The following KPNA3 variants were observed in gnomAD, a reference collection of about 807,000 sequenced individuals.
The protein encoded by KPNA3 is karyopherin subunit alpha 3, also known as importin subunit alpha-4.
A neutral mutation model predicts 73.8 loss-of-function variants in KPNA3; 13 were observed. That is an observed-to-expected ratio of 0.18 (90% CI 0.11 to 0.28). The LOEUF is 0.28. Ranked by LOEUF, KPNA3 falls within the 10% of genes least tolerant of loss-of-function variation. The probability of loss-of-function intolerance (pLI) is 1.00; values close to 1 mark genes in which losing one functional copy is unlikely to be tolerated. For missense variants in KPNA3, 360 were observed against 618.1 expected, an observed-to-expected ratio of 0.58 and a Z score of 4.43; for synonymous variants, 186 against 206.9, an observed-to-expected ratio of 0.90 and a Z score of 0.87.
intron 8 of KPNA3, 139 bp downstream of exon 8, chr13:49,722,338 C>G (rs957980497): frequency 1.5e-6 from 1 of 661,608 alleles, no homozygotes; most frequent in African/African-American, 1.8e-5. Context: ...CAAAGAGCAT[C>G]ATCTTAAGTC....
intron 1 of KPNA3, among the ~76,000 whole-genome samples, chr13:49,790,229 G>A (rs1178190090): frequency 6.6e-6 from 1 of 152,214 alleles, no homozygotes; most frequent in Non-Finnish European, 1.5e-5. Flanking sequence ...CACTTTGGAA[G>A]GCCGAGGCGG....
chr13:49,757,623 AC>A (rs1954722544), intron 1 of KPNA3, among the ~76,000 whole-genome samples: 1 of 152,148 alleles, frequency 6.6e-6, no homozygotes, highest in South Asian at 2.1e-4. Flanking sequence ...CTTAAAGTAC[AC>A]ATGTAACAAC....
chr13:49,711,686 G>T (rs1426272427), intron 10 of KPNA3, among the ~76,000 whole-genome samples: 2 of 152,170 alleles, frequency 1.3e-5, no homozygotes, highest in Non-Finnish European at 2.9e-5. Flanking sequence ...CAAAGATCTT[G>T]TATGTGGCAT....
chr13:49,704,999 G>A (rs997061012), intron 15 of KPNA3, among the ~76,000 whole-genome samples: 1 of 152,192 alleles, frequency 6.6e-6, no homozygotes, highest in Admixed American at 6.5e-5. Context: ...TTTATGTAGT[G>A]TTGTAAGGGC....
intron 1 of KPNA3, among the ~76,000 whole-genome samples, chr13:49,761,590 A>G (rs946181843): frequency 1.3e-5 from 2 of 152,116 alleles, no homozygotes; most frequent in African/African-American, 4.8e-5. Context: ...GGCTAGCTAC[A>G]ACCTCCACCT....
rs1566329167 is a variant in KPNA3, at chr13:49,701,214, A to AC, written c.*585_*586insG. 1 of 90,694 alleles carries AC rather than the reference A, an allele frequency of 1.1e-5. No individual in the cohort carries two copies. The highest frequency in any genetic ancestry group is 2.9e-5 in the Non-Finnish European group (1 of 34,746). The allele number at this position is 90,694 out of a possible 1,614,324, so 5.6% of individuals were successfully genotyped here. A position where few individuals can be genotyped will look rare whatever the true frequency, so the allele number is the denominator to read the frequency against. ...GATGAAGTAGTTTTTTTTTTTTTTT[A>AC]AACTTATCTGTTTATTCAATAACCA... On this transcript the variant is annotated 3_prime_UTR_variant, in exon 17 of 17. Coordinates refer to ENST00000261667, the MANE Select transcript of KPNA3 (RefSeq NM_002267.4).
At chr13:49,781,880 G>A (rs1954943375) in intron 1 of KPNA3, among the ~76,000 whole-genome samples, 1 of 152,206 alleles carries the variant, frequency 6.6e-6, no homozygotes, top group African/African-American at 2.4e-5. Context: ...AAAGGGAAGA[G>A]TGAATTTATT....
chr13:49,732,497 T>C lies in KPNA3; in HGVS notation c.288-31A>G, dbSNP rs762082804. 7.4e-6 allele frequency: 11 copies of C among 1,487,376 alleles called. No individual in the cohort carries two copies. The East Asian group carries it at 1.6e-4, about 22-fold the overall frequency. The allele number at this position is 1,487,376 out of a possible 1,614,324, so 92.1% of individuals were successfully genotyped here. A position where few individuals can be genotyped will look rare whatever the true frequency, so the allele number is the denominator to read the frequency against. The stretch of plus-strand genomic sequence containing the variant: ...AAAATAAATATGAGAAATTAATTGC[T>C]ATAATTTTCAAACTGTGAAAAGAAA... On this transcript the variant is annotated intron_variant, in intron 5 of 16. Coordinates refer to ENST00000261667, the MANE Select transcript of KPNA3 (RefSeq NM_002267.4).
intron 6 of KPNA3, among the ~76,000 whole-genome samples, chr13:49,730,763 T>TC (rs1331058332): frequency 1.0e-3 from 70 of 67,142 alleles, no homozygotes; most frequent in African/African-American, 4.9e-3. Flanking sequence ...ATGCTATCCC[T>TC]CCCCCCTCCC....
chr13:49,771,477 C>T lies in KPNA3; in HGVS notation c.69+20961G>A, dbSNP rs545482228. 6.8e-4 allele frequency among the ~76,000 whole-genome samples: 104 copies of T among 152,176 alleles called. No homozygotes were observed. In the South Asian group the frequency reaches 9.5e-3, roughly 14 times the overall value. On this transcript the variant is annotated intron_variant, in intron 1 of 16. Coordinates refer to ENST00000261667, the MANE Select transcript of KPNA3 (RefSeq NM_002267.4). Reference sequence around the variant, plus strand: ...AAAATTGTTATTTTGTTTTTTAAGACGGGGTCTCACTCTGTCACCCCCGCT... The same window carrying T: ...AAAATTGTTATTTTGTTTTTTAAGATGGGGTCTCACTCTGTCACCCCCGCT...
intron 1 of KPNA3, among the ~76,000 whole-genome samples, chr13:49,765,554 C>T (rs760224071): frequency 6.6e-6 from 1 of 152,118 alleles, no homozygotes; most frequent in Non-Finnish European, 1.5e-5. Context: ...CCAAGCTGGT[C>T]TCAAACTCCT....
At chr13:49,787,681 ATTT>A (rs35108432) in intron 1 of KPNA3, among the ~76,000 whole-genome samples, 3 of 132,014 alleles carry the variant, frequency 2.3e-5, no homozygotes, top group African/African-American at 2.8e-5. Context: ...TAATTTTTGT[ATTT>A]TTTTTTTTTT....
intron 1 of KPNA3, among the ~76,000 whole-genome samples, chr13:49,757,014 A>G (rs971141680): frequency 6.6e-6 from 1 of 152,222 alleles, no homozygotes; most frequent in African/African-American, 2.4e-5. Flanking sequence ...CAAAAATATT[A>G]ACCCTGACTT....
chr13:49,721,994 C>G lies in KPNA3; in HGVS notation c.687G>C (p.Arg229Ser). 6.2e-7 allele frequency: 1 copy of G among 1,608,846 alleles called. No homozygotes were observed. The highest frequency in any genetic ancestry group is 8.5e-7 in the Non-Finnish European group (1 of 1,177,446). Residue 229 changes from arginine (R) to serine (S), a missense_variant, in exon 9 of 17, where the codon AGG (arginine) becomes AGC (serine). Arg to Ser is a moderately radical substitution (Grantham distance 110, BLOSUM62 -1). Around this residue, in one of 3 missense-constraint regions of KPNA3, gnomAD observed 287 missense variants for 549.1 expected, o/e 0.52. Coordinates refer to ENST00000261667, the MANE Select transcript of KPNA3 (RefSeq NM_002267.4). ...CCATAGGCGGCGGGGGATCCTTATT[C>G]CTGCAGAGATTGACAATGACCCATG... Reference protein sequence around the residue: ...NVTWVIVNLCRNKDPPPPMET... With the variant: ...NVTWVIVNLCSNKDPPPPMET...
At chr13:49,785,126 G>C (rs1322584524) in intron 1 of KPNA3, among the ~76,000 whole-genome samples, 1 of 152,112 alleles carries the variant, frequency 6.6e-6, no homozygotes, top group Non-Finnish European at 1.5e-5. Context: ...AAGAAGTTCA[G>C]TGTTGCTAGG....
chr13:49,725,692 G>GGA (rs1020175452), intron 6 of KPNA3, among the ~76,000 whole-genome samples, 191 bp from the exon 7 acceptor site: 4 of 151,586 alleles, frequency 2.6e-5, no homozygotes, highest in Non-Finnish European at 5.9e-5. Context: ...CACCCAGGCG[G>GGA]GAGTGCAGTG....
intron 1 of KPNA3, among the ~76,000 whole-genome samples, chr13:49,776,989 C>G (rs1954902990): frequency 6.6e-6 from 1 of 152,156 alleles, no homozygotes. Flanking sequence ...TCTACTTTTT[C>G]TCTACCACCC....
intron 12 of KPNA3, among the ~76,000 whole-genome samples, chr13:49,708,835 C>A (rs1440557360): frequency 6.6e-6 from 1 of 152,102 alleles, no homozygotes; most frequent in African/African-American, 2.4e-5. Flanking sequence ...GTCTATGAAG[C>A]TTGAAATCTT....
Position 49,726,998 on chromosome 13 carries a change from T to C in KPNA3, c.384-1497A>G, listed in dbSNP as rs141381434. Among the ~76,000 whole-genome samples, 273 of 151,916 alleles carry C rather than the reference T, an allele frequency of 1.8e-3. 1 individual carries two copies. The highest frequency in any genetic ancestry group is 6.4e-3 in the African/African-American group (264 of 41,410). ...ACCTGTTAAAAGGAAATGATAGATA[T>C]TAAGTTAGGATAGCTGAAAGAGTAC... On this transcript the variant is annotated intron_variant, in intron 6 of 16. Coordinates refer to ENST00000261667, the MANE Select transcript of KPNA3 (RefSeq NM_002267.4).
Sources: allele counts gnomAD v4.1 joint callset (sites outside exome capture counted in the v4.1 genomes callset), GRCh38; gene constraint gnomAD v4.1.1; regional missense constraint gnomAD v4.1.1; transcripts MANE v1.5; gene names NCBI Gene and HGNC (gene_info 2026-07-23, HGNC 2026-07-21).